The following ADD3 variants were observed in gnomAD, a reference collection of about 807,000 sequenced individuals.
ADD3 encodes gamma-adducin.
A neutral mutation model predicts 80.2 loss-of-function variants in ADD3; 25 were observed. That is an observed-to-expected ratio of 0.31 (90% confidence interval 0.23 to 0.44). The LOEUF (loss-of-function observed/expected upper bound fraction) is 0.44. Ranked by LOEUF, ADD3 falls within the 20% of genes least tolerant of loss-of-function variation. The pLI, the probability that ADD3 is intolerant of heterozygous loss-of-function variation, is 1.00. For synonymous variants in ADD3, 284 were observed against 289.6 expected, an observed-to-expected ratio of 0.98 and a Z score of 0.20; for missense variants, 829 against 847.5, an observed-to-expected ratio of 0.98 and a Z score of 0.27.
intron 2 of ADD3, among the ~76,000 whole-genome samples, chr10:110,105,067 T>C (rs1002014585): frequency 2.0e-5 from 3 of 152,176 alleles, no homozygotes; most frequent in Non-Finnish European, 2.9e-5. Flanking sequence ...AAATGTAAAT[T>C]TGGATGACAA....
At chr10:110,006,019 T>C (rs115186858), upstream of ADD3, 1,869 of 221,322 alleles carry the variant, frequency 8.4e-3, 25 homozygotes, top group African/African-American at 0.035. Flanking sequence ...CCGCCGCCGC[T>C]GCTGCTGCTG....
At chr10:110,099,667 T>G (rs904682894) in intron 1 of ADD3, among the ~76,000 whole-genome samples, 12 of 152,254 alleles carry the variant, frequency 7.9e-5, no homozygotes, top group Non-Finnish European at 1.8e-4. Flanking sequence ...CATCTATTTG[T>G]GTCTTGAACC....
Position 110,045,300 on chromosome 10 carries a change from G to A in ADD3, c.-30+37001G>A, listed in dbSNP as rs532817704. Among the ~76,000 whole-genome samples, 3 of 152,254 alleles carry A rather than the reference G, an allele frequency of 2.0e-5. No individual in the cohort carries two copies. In the East Asian group the frequency reaches 5.8e-4, roughly 29 times the overall value. On this transcript the variant is annotated intron_variant, in intron 1 of 14. Coordinates refer to ENST00000356080, the MANE Select transcript of ADD3 (RefSeq NM_016824.5). ...ACCCAGGAGTCGGAGGTTGCAGTGA[G>A]CCGAGATTGTGCCACTGCACTCCAG... is the stretch of plus-strand genomic sequence containing the variant.
chr10:110,011,427 T>A (rs915930728), intron 1 of ADD3, among the ~76,000 whole-genome samples: 1 of 152,224 alleles, frequency 6.6e-6, no homozygotes, highest in Admixed American at 6.5e-5. Flanking sequence ...ATGTTTAGAA[T>A]TATTGTAGAT....
intron 3 of ADD3, among the ~76,000 whole-genome samples, chr10:110,115,132 A>G (rs1385007921): frequency 6.7e-6 from 1 of 149,262 alleles, no homozygotes; most frequent in Non-Finnish European, 1.5e-5. Flanking sequence ...GCTCAGGCCT[A>G]TAATCCCAGC....
At chr10:110,007,073 G>A (rs1021732762), upstream of ADD3, among the ~76,000 whole-genome samples, 11 of 152,146 alleles carry the variant, frequency 7.2e-5, no homozygotes, top group African/African-American at 2.4e-4. Context: ...GGCGAGGGGG[G>A]TGGGAGGCCC....
intron 1 of ADD3, among the ~76,000 whole-genome samples, chr10:110,039,832 C>T (rs1856080410): frequency 6.6e-6 from 1 of 152,144 alleles, no homozygotes; most frequent in Non-Finnish European, 1.5e-5. Context: ...GTTAGCAATG[C>T]CATAGTTCCT....
chr10:110,082,131 A>G (rs1846130045), intron 1 of ADD3, among the ~76,000 whole-genome samples: 1 of 152,194 alleles, frequency 6.6e-6, no homozygotes, highest in Non-Finnish European at 1.5e-5. Flanking sequence ...CTGTTTTTCA[A>G]TGTATTATCT....
intron 1 of ADD3, among the ~76,000 whole-genome samples, chr10:110,014,560 T>A (rs1348838878): frequency 6.6e-6 from 1 of 152,198 alleles, no homozygotes; most frequent in Non-Finnish European, 1.5e-5. Flanking sequence ...TTTTTTACTC[T>A]TGTTGCCCAG....
At chr10:110,117,284 G>A in intron 4 of ADD3, 58 bp from the exon 5 acceptor site, 1 of 850,248 alleles carries the variant, frequency 1.2e-6, no homozygotes, top group Non-Finnish European at 1.9e-6. Context: ...TTGTAGTCAT[G>A]TTTCCACTGC....
intron 2 of ADD3, among the ~76,000 whole-genome samples, chr10:110,107,592 A>AT (rs772473470): frequency 5.9e-5 from 9 of 152,116 alleles, no homozygotes; most frequent in Non-Finnish European, 1.3e-4. Context: ...TGTTTACACA[A>AT]TTTTTTATAA....
chr10:110,050,536 G>A lies in ADD3; in HGVS notation c.-30+42237G>A, dbSNP rs377654884. On this transcript the variant is annotated intron_variant, in intron 1 of 14. Coordinates refer to ENST00000356080, the MANE Select transcript of ADD3 (RefSeq NM_016824.5). ...TTTTTTTTTTTTTTTTTCCTGAAGC[G>A]GAGTCTCGCTCTGTTGCCCAGGCTG... Among the ~76,000 whole-genome samples, 35 of 145,582 alleles carry A rather than the reference G, an allele frequency of 2.4e-4. 2 individuals carry two copies. Among genetic ancestry groups the A allele is most frequent in the African/African-American group, 7.2e-4 (28 of 39,050 alleles).
chr10:110,121,529 G>A (rs1459862697), intron 8 of ADD3, among the ~76,000 whole-genome samples: 1 of 152,006 alleles, frequency 6.6e-6, no homozygotes, highest in African/African-American at 2.4e-5. Context: ...GAAGCAAATG[G>A]TAATAATCTT....
chr10:110,086,979 G>A (rs1176602387), intron 1 of ADD3, among the ~76,000 whole-genome samples: 1 of 152,086 alleles, frequency 6.6e-6, no homozygotes, highest in Non-Finnish European at 1.5e-5. Flanking sequence ...AATGCAGCAT[G>A]TATGTACACA....
At chr10:110,003,843 CTG>C (rs1851536657), upstream of ADD3, among the ~76,000 whole-genome samples, 1 of 152,124 alleles carries the variant, frequency 6.6e-6, no homozygotes, top group Non-Finnish European at 1.5e-5. Context: ...TAGATCATGA[CTG>C]TGTTAGGAAA....
rs1763654448 is a variant in ADD3, at chr10:110,119,497, C to T, written c.893C>T (p.Ala298Val). The change falls in exon 8 of 15, where the codon GCA (alanine) becomes GTA (valine). Residue 298 changes from alanine (A) to valine (V), a missense_variant. Transcript: ENST00000356080. ...VLVLRNHGVV[A>V]LGETLEEAFH... is the part of the protein sequence containing the mutation. ...GTACTCAGGAATCATGGTGTGGTTGCACTTGGAGAAACATTAGAGGAGGCT... is the reference window on the plus strand; with the variant it reads ...GTACTCAGGAATCATGGTGTGGTTGTACTTGGAGAAACATTAGAGGAGGCT... 1 of 1,614,020 alleles carries T rather than the reference C, an allele frequency of 6.2e-7. No individual in the cohort carries two copies. Among genetic ancestry groups the T allele is most frequent in the South Asian group, 1.1e-5 (1 of 91,088 alleles).
intron 9 of ADD3, 121 bp from the exon 10 acceptor site, chr10:110,123,896 C>A: frequency 9.4e-7 from 1 of 1,069,110 alleles, no homozygotes; most frequent in Non-Finnish European, 1.3e-6. Context: ...GGAAGGATGC[C>A]TTTTTCTTTG....
chr10:110,081,097 G>T (rs1846000777), intron 1 of ADD3, among the ~76,000 whole-genome samples: 2 of 152,154 alleles, frequency 1.3e-5, no homozygotes, highest in Non-Finnish European at 2.9e-5. Flanking sequence ...GGCCAATAAG[G>T]TAGGAGAGAG....
intron 2 of ADD3, among the ~76,000 whole-genome samples, chr10:110,102,583 G>T (rs1472357299): frequency 6.6e-6 from 1 of 152,110 alleles, no homozygotes; most frequent in East Asian, 1.9e-4. Context: ...CTCCAGCCTG[G>T]GTGACAGGGC....
Sources: gnomAD v4.1 joint callset for allele counts (sites outside exome capture counted in the v4.1 genomes callset) on GRCh38, gnomAD v4.1.1 for gene constraint, MANE v1.5 for transcripts, NCBI Gene and HGNC (gene_info 2026-07-23, HGNC 2026-07-21) for gene names.